The following CFAP61 variants were observed in gnomAD, a reference collection of about 807,000 sequenced individuals.
CFAP61 encodes cilia- and flagella-associated protein 61.
In CFAP61, 107 loss-of-function variants were observed where a neutral mutation model predicts 135.6. That is an observed-to-expected ratio of 0.79 (90% CI 0.67 to 0.93). The LOEUF (loss-of-function observed/expected upper bound fraction) is 0.93, where lower values mean the gene tolerates loss of function less well. Ranked by LOEUF, CFAP61 falls within the 40% of genes least tolerant of loss-of-function variation. The pLI is 0.00. For synonymous variants in CFAP61, 575 were observed against 578.5 expected, an observed-to-expected ratio of 0.99 and a Z score of 0.09; for missense variants, 1,507 against 1,556.2, an observed-to-expected ratio of 0.97 and a Z score of 0.53.
intron 26 of CFAP61, among the ~76,000 whole-genome samples, chr20:20,353,520 A>G (rs1467830059): frequency 6.6e-6 from 1 of 152,174 alleles, no homozygotes; most frequent in East Asian, 1.9e-4. Context: ...ATCATAGCCC[A>G]CAATTATTTT....
At chr20:20,314,899 G>T (rs942519317) in intron 25 of CFAP61, among the ~76,000 whole-genome samples, 3 of 133,616 alleles carry the variant, frequency 2.2e-5, no homozygotes, top group African/African-American at 9.1e-5. Flanking sequence ...GTATTCCATG[G>T]TGTATATGTG....
At chr20:20,257,504 A>G (rs1436888751) in intron 20 of CFAP61, among the ~76,000 whole-genome samples, 1 of 151,980 alleles carries the variant, frequency 6.6e-6, no homozygotes, top group Non-Finnish European at 1.5e-5. Flanking sequence ...AATCCCAGCT[A>G]CTTGGAAGGC....
intron 20 of CFAP61, 21 bp downstream of exon 20, chr20:20,251,784 C>T (rs368446809): frequency 5.3e-5 from 86 of 1,610,466 alleles, no homozygotes; most frequent in Non-Finnish European, 6.9e-5. Flanking sequence ...GCACAGGGGG[C>T]GCAAGCCACG....
At chr20:20,306,692 C>T (rs6075642) in intron 25 of CFAP61, among the ~76,000 whole-genome samples, 1 of 152,234 alleles carries the variant, frequency 6.6e-6, no homozygotes, top group Non-Finnish European at 1.5e-5. Context: ...CCCCCACCCA[C>T]TGAGTCAACG....
chr20:20,262,805 T>TG, intron 20 of CFAP61, 151 bp from the exon 21 acceptor site: 1 of 80,000 alleles, frequency 1.3e-5, no homozygotes, highest in Non-Finnish European at 2.4e-5. Flanking sequence ...TGTTTTTGTG[T>TG]TTTTTTTTTT....
chr20:20,090,086 G>A (rs1017142782), intron 6 of CFAP61, among the ~76,000 whole-genome samples: 2 of 152,218 alleles, frequency 1.3e-5, no homozygotes, highest in Non-Finnish European at 2.9e-5. Flanking sequence ...TATCATAGTG[G>A]TGTTTCTTAG....
At chr20:20,349,171 A>G (rs377294006) in intron 26 of CFAP61, among the ~76,000 whole-genome samples, 3 of 152,250 alleles carry the variant, frequency 2.0e-5, no homozygotes, top group Non-Finnish European at 2.9e-5. Context: ...TCCATTGTCT[A>G]CATTATCAGT....
intron 25 of CFAP61, among the ~76,000 whole-genome samples, chr20:20,316,134 T>G (rs1385472824): frequency 6.6e-6 from 1 of 151,822 alleles, no homozygotes; most frequent in Non-Finnish European, 1.5e-5. Flanking sequence ...TTGGGCAGTA[T>G]GGCCATTTTC....
chr20:20,239,683 A>T (rs1240814666), intron 18 of CFAP61, among the ~76,000 whole-genome samples: 1 of 152,220 alleles, frequency 6.6e-6, no homozygotes, highest in Non-Finnish European at 1.5e-5. Context: ...TGGGAGTGGC[A>T]CTGAGGCAGT....
chr20:20,323,109 G>GC (rs971628428), intron 25 of CFAP61: 1 of 985,304 alleles, frequency 1.0e-6, no homozygotes. Flanking sequence ...GAGCTACTCT[G>GC]CCACTCGACT....
chr20:20,093,368 G>A (rs891804500), intron 7 of CFAP61, among the ~76,000 whole-genome samples: 1 of 151,986 alleles, frequency 6.6e-6, no homozygotes, highest in Admixed American at 6.6e-5. Context: ...AAATGTTCTG[G>A]GATTAGACAG....
intron 6 of CFAP61, among the ~76,000 whole-genome samples, chr20:20,085,972 C>T (rs1310971668): frequency 1.3e-5 from 2 of 152,252 alleles, no homozygotes; most frequent in African/African-American, 4.8e-5. Flanking sequence ...ATGTTCTAGG[C>T]TTTTTCTGCC....
At chr20:20,151,625 G>A (rs190462725) in intron 9 of CFAP61, among the ~76,000 whole-genome samples, 42 of 151,968 alleles carry the variant, frequency 2.8e-4, no homozygotes, top group African/African-American at 8.9e-4. Flanking sequence ...AGGAGATTGA[G>A]ACCATCCTGA....
chr20:20,113,966 C>CAA (rs11456473), intron 8 of CFAP61, among the ~76,000 whole-genome samples: 1,116 of 94,050 alleles, frequency 0.012, 34 homozygotes, highest in East Asian at 0.043. Flanking sequence ...CATGAGAGCT[C>CAA]AAAAAAAAAA....
intron 25 of CFAP61, among the ~76,000 whole-genome samples, chr20:20,331,548 T>C (rs2057997873): frequency 2.0e-5 from 3 of 152,340 alleles, no homozygotes; most frequent in Admixed American, 2.0e-4. Context: ...ACATGGTGTG[T>C]GTGTTCTGTC....
intron 8 of CFAP61, among the ~76,000 whole-genome samples, chr20:20,114,459 A>G (rs959097892): frequency 2.7e-5 from 4 of 150,776 alleles, no homozygotes; most frequent in Non-Finnish European, 5.9e-5. Flanking sequence ...TCCTCCTATA[A>G]TGTTTTATAG....
chr20:20,053,031 C>T (rs1468374099), intron 1 of CFAP61, among the ~76,000 whole-genome samples: 1 of 152,200 alleles, frequency 6.6e-6, no homozygotes, highest in East Asian at 1.9e-4. Flanking sequence ...TGGAAAACAA[C>T]TCAGTCTTGT....
chr20:20,097,091 T>A (rs1019901795), intron 7 of CFAP61, among the ~76,000 whole-genome samples: 1 of 52,914 alleles, frequency 1.9e-5, no homozygotes, highest in Admixed American at 3.8e-4. Context: ...AGTAGTTTAA[T>A]ACCTATTTTT....
chr20:20,296,316 C>CTCCTTCCCTTCCT (rs1555959185), intron 24 of CFAP61, among the ~76,000 whole-genome samples: 1 of 36,138 alleles, frequency 2.8e-5, no homozygotes, highest in African/African-American at 1.4e-4. Context: ...CCTTCCTTCC[C>CTCCTTCCCTTCCT]TCCTTCCTTC....
Sources: allele counts gnomAD v4.1 joint callset (sites outside exome capture counted in the v4.1 genomes callset), GRCh38; gene constraint gnomAD v4.1.1; transcripts MANE v1.5; gene names NCBI Gene and HGNC (gene_info 2026-07-23, HGNC 2026-07-21).